The following ATRNL1 variants were observed in gnomAD, a reference collection of about 807,000 sequenced individuals.
ATRNL1 encodes attractin like 1, also known as attractin-like protein 1.
Under a neutral mutation model 182.7 loss-of-function variants are expected in ATRNL1, and 95 were observed. The ratio of observed to expected loss-of-function variants is 0.52; its 90% CI spans 0.44 to 0.62. ATRNL1 has a LOEUF of 0.62. Among genes scored for constraint, ATRNL1 ranks in the 20% least tolerant of loss-of-function variants. The pLI, the probability that ATRNL1 is intolerant of heterozygous loss-of-function variation, is 0.00. For synonymous variants in ATRNL1, 576 were observed against 568.3 expected (o/e 1.01, Z -0.19); for missense variants, 1,471 against 1,679.5 (o/e 0.88, Z 2.17).
intron 19 of ATRNL1, among the ~76,000 whole-genome samples, chr10:115,385,456 C>T (rs2134245720): frequency 6.6e-6 from 1 of 152,202 alleles, no homozygotes; most frequent in South Asian, 2.1e-4. Flanking sequence ...TAATATTTCA[C>T]ATAGAAGATC....
intron 1 of ATRNL1, among the ~76,000 whole-genome samples, chr10:115,101,231 A>C (rs1186438085): frequency 6.6e-6 from 1 of 152,020 alleles, no homozygotes; most frequent in Non-Finnish European, 1.5e-5. Context: ...TTCACTGGCC[A>C]GAACCTCTAT....
chr10:115,849,438 G>T (rs964238682), intron 28 of ATRNL1, among the ~76,000 whole-genome samples: 1 of 152,032 alleles, frequency 6.6e-6, no homozygotes, highest in Non-Finnish European at 1.5e-5. Context: ...GGTTTTTCTC[G>T]ATCCTTCACG....
intron 27 of ATRNL1, among the ~76,000 whole-genome samples, chr10:115,737,091 G>A (rs1947973431): frequency 1.3e-5 from 2 of 151,926 alleles, no homozygotes; most frequent in South Asian, 4.2e-4. Flanking sequence ...TTGCCTTGGA[G>A]CATTCCCTTA....
At chr10:115,673,907 A>G (rs1945779575) in intron 26 of ATRNL1, among the ~76,000 whole-genome samples, 1 of 151,974 alleles carries the variant, frequency 6.6e-6, no homozygotes, top group South Asian at 2.1e-4. Context: ...GACTCTCTGG[A>G]AAATTCCCGC....
chr10:115,903,187 G>A (rs1037509676), intron 28 of ATRNL1, among the ~76,000 whole-genome samples: 11 of 152,174 alleles, frequency 7.2e-5, no homozygotes, highest in Non-Finnish European at 1.3e-4. Context: ...TCTCCATGCT[G>A]TATATTGTTT....
chr10:115,687,638 G>T (rs1946260880), intron 26 of ATRNL1, among the ~76,000 whole-genome samples: 1 of 151,994 alleles, frequency 6.6e-6, no homozygotes, highest in African/African-American at 2.4e-5. Flanking sequence ...AAGCAGGATT[G>T]CTCCATCAAA....
chr10:115,683,237 A>G (rs1205504007), intron 26 of ATRNL1, among the ~76,000 whole-genome samples: 2 of 151,998 alleles, frequency 1.3e-5, no homozygotes, highest in Non-Finnish European at 2.9e-5. Context: ...CAATTATTTC[A>G]TGGAATTCTG....
At chr10:115,557,123 A>AT (rs1254112660) in intron 26 of ATRNL1, among the ~76,000 whole-genome samples, 3 of 152,160 alleles carry the variant, frequency 2.0e-5, no homozygotes, top group Admixed American at 6.6e-5. Context: ...AAAGGATCTG[A>AT]TTTTAAGCTG....
intron 27 of ATRNL1, among the ~76,000 whole-genome samples, chr10:115,737,410 G>A (rs1264355483): frequency 6.6e-6 from 1 of 151,336 alleles, no homozygotes; most frequent in African/African-American, 2.4e-5. Flanking sequence ...ACTCCAGCCT[G>A]GTTGAACAGA....
At chr10:115,731,301 C>T (rs944031592) in intron 27 of ATRNL1, among the ~76,000 whole-genome samples, 1 of 152,058 alleles carries the variant, frequency 6.6e-6, no homozygotes, top group African/African-American at 2.4e-5. Flanking sequence ...GGACTGTGGC[C>T]CATATTATCT....
chr10:115,409,930 A>G (rs1000465459), intron 20 of ATRNL1, among the ~76,000 whole-genome samples: 37 of 152,024 alleles, frequency 2.4e-4, no homozygotes, highest in African/African-American at 8.7e-4. Flanking sequence ...TTTTTTTATC[A>G]TGGAGAGATG....
chr10:115,530,800 C>A (rs1851531282), intron 25 of ATRNL1, among the ~76,000 whole-genome samples: 1 of 128,236 alleles, frequency 7.8e-6, no homozygotes, highest in Non-Finnish European at 1.6e-5. Context: ...CACAACAGTC[C>A]CCAGAGTGTG....
At chr10:115,430,056 G>A (rs887587767) in intron 21 of ATRNL1, among the ~76,000 whole-genome samples, 11 of 152,146 alleles carry the variant, frequency 7.2e-5, no homozygotes, top group Admixed American at 2.6e-4. Flanking sequence ...GGGTGGCAGA[G>A]TGAGACTCTG....
intron 28 of ATRNL1, among the ~76,000 whole-genome samples, chr10:115,892,855 T>C (rs1762370583): frequency 6.6e-6 from 1 of 152,260 alleles, no homozygotes; most frequent in Non-Finnish European, 1.5e-5. Context: ...TGTATTATAA[T>C]GAAGTAATTT....
At chr10:115,212,325 TTTTG>T (rs1258568455) in intron 8 of ATRNL1, among the ~76,000 whole-genome samples, 3 of 151,808 alleles carry the variant, frequency 2.0e-5, no homozygotes, top group African/African-American at 4.8e-5. Flanking sequence ...GCTGAGATAT[TTTTG>T]TTTGTTTCAA....
At chr10:115,115,048 C>T (rs1020654142) in intron 1 of ATRNL1, among the ~76,000 whole-genome samples, 1 of 151,930 alleles carries the variant, frequency 6.6e-6, no homozygotes, top group Non-Finnish European at 1.5e-5. Flanking sequence ...AGTATTCAGC[C>T]TATAAAGGGA....
At chr10:115,099,288 C>CTAGTGT (rs2085100295) in intron 1 of ATRNL1, among the ~76,000 whole-genome samples, 1 of 152,174 alleles carries the variant, frequency 6.6e-6, no homozygotes, top group Non-Finnish European at 1.5e-5. Context: ...GAATAGTGTT[C>CTAGTGT]CAGTGTCTGG....
chr10:115,404,543 A>G (rs1218888606), intron 20 of ATRNL1, among the ~76,000 whole-genome samples: 1 of 152,226 alleles, frequency 6.6e-6, no homozygotes, highest in Non-Finnish European at 1.5e-5. Context: ...CACACTGGAC[A>G]GTGTCTTCAA....
At chr10:115,595,243 TC>T (rs1385662702) in intron 26 of ATRNL1, among the ~76,000 whole-genome samples, 5 of 152,148 alleles carry the variant, frequency 3.3e-5, no homozygotes, top group Non-Finnish European at 7.3e-5. Flanking sequence ...TTCATATTCT[TC>T]CTTCCTTCCC....
Sources: allele counts gnomAD v4.1 joint callset (sites outside exome capture counted in the v4.1 genomes callset), GRCh38; gene constraint gnomAD v4.1.1; transcripts MANE v1.5; gene names NCBI Gene and HGNC (gene_info 2026-07-23, HGNC 2026-07-21).